DSCAML1: variants seen among roughly 807,000 people sequenced by gnomAD.
DSCAML1 encodes DS cell adhesion molecule like 1.
In DSCAML1, 38 loss-of-function variants were observed where a neutral mutation model predicts 200.5. The ratio of observed to expected loss-of-function variants is 0.19; its 90% confidence interval spans 0.15 to 0.25. The LOEUF (loss-of-function observed/expected upper bound fraction) is 0.25, where lower values mean the gene tolerates loss of function less well. DSCAML1 is among the 10% of genes least tolerant of loss of function. DSCAML1 has a pLI of 1.00. For synonymous variants in DSCAML1, 1,215 were observed against 1,165.0 expected (o/e 1.04, Z -0.87); for missense variants, 2,223 against 2,858.8 (o/e 0.78, Z 5.07).
chr11:117,769,295 T>TA (rs375010836), intron 3 of DSCAML1, among the ~76,000 whole-genome samples: 28,924 of 30,604 alleles, frequency 0.95, 13,815 homozygotes, highest in South Asian at 1. Context: ...ATTTTATATA[T>TA]TTATATATAT....
At chr11:117,738,291 C>G (rs2054357842) in intron 3 of DSCAML1, among the ~76,000 whole-genome samples, 1 of 152,114 alleles carries the variant, frequency 6.6e-6, no homozygotes, top group African/African-American at 2.4e-5. Context: ...AGAATCCACC[C>G]AGTTTTCCAC....
rs114770603 is a variant in DSCAML1 at position 117,624,117 on chromosome 11, T to C, written c.512-91595A>G. ...CCTTCACTAAATGATTAACTTTCTTTTTACCATTTGTTGGTTTCAAATTAA... is the reference window on the plus strand; with the variant it reads ...CCTTCACTAAATGATTAACTTTCTTCTTACCATTTGTTGGTTTCAAATTAA... On this transcript the variant is annotated intron_variant, in intron 3 of 32. Coordinates refer to ENST00000651296, the MANE Select transcript of DSCAML1 (RefSeq NM_020693.4). Among the ~76,000 whole-genome samples the C allele has an allele frequency of 4.4e-3, 666 of 152,320 alleles. 4 individuals are homozygous for C. Among genetic ancestry groups the C allele is most frequent in the African/African-American group, 0.015 (610 of 41,574 alleles).
chr11:117,699,997 G>A (rs1221133108), intron 3 of DSCAML1, among the ~76,000 whole-genome samples: 1 of 152,198 alleles, frequency 6.6e-6, no homozygotes. Flanking sequence ...AGGGTGGGCA[G>A]TGACCAGTAT....
chr11:117,708,700 C>A (rs1298935234), intron 3 of DSCAML1, among the ~76,000 whole-genome samples: 1 of 152,184 alleles, frequency 6.6e-6, no homozygotes, highest in Admixed American at 6.5e-5. Flanking sequence ...GGGTGTTCCC[C>A]AAGAGCTCTG....
chr11:117,753,334 T>C (rs1192385423), intron 3 of DSCAML1, among the ~76,000 whole-genome samples: 4 of 152,092 alleles, frequency 2.6e-5, no homozygotes, highest in African/African-American at 9.7e-5. Context: ...TGGGGCTGAG[T>C]GGTCCCGCAT....
intron 3 of DSCAML1, among the ~76,000 whole-genome samples, chr11:117,582,601 T>A (rs980106240): frequency 6.6e-6 from 1 of 152,172 alleles, no homozygotes. Flanking sequence ...TACTCATGCT[T>A]GGATGGACAG....
intron 3 of DSCAML1, among the ~76,000 whole-genome samples, chr11:117,660,081 A>G (rs1487090225): frequency 1.3e-5 from 2 of 151,910 alleles, no homozygotes; most frequent in African/African-American, 4.8e-5. Context: ...TTTTCATATC[A>G]TCCTTTCCAT....
intron 1 of DSCAML1, among the ~76,000 whole-genome samples, chr11:117,781,480 G>T (rs1455250694): frequency 6.6e-6 from 1 of 152,216 alleles, no homozygotes; most frequent in Non-Finnish European, 1.5e-5. Flanking sequence ...TCAAAACCAT[G>T]CTCTGAGATG....
chr11:117,434,156 CT>C (rs1479278781), intron 27 of DSCAML1, among the ~76,000 whole-genome samples: 1 of 152,190 alleles, frequency 6.6e-6, no homozygotes, highest in Non-Finnish European at 1.5e-5. Flanking sequence ...ATCCAATTGT[CT>C]GGCTATCCAT....
At chr11:117,596,941 C>T (rs893001397) in intron 3 of DSCAML1, among the ~76,000 whole-genome samples, 2 of 152,122 alleles carry the variant, frequency 1.3e-5, no homozygotes, top group African/African-American at 4.8e-5. Flanking sequence ...AAGGTTTGTC[C>T]GTTCCTGAAT....
At chr11:117,550,601 T>G (rs1032430020) in intron 3 of DSCAML1, among the ~76,000 whole-genome samples, 1 of 152,220 alleles carries the variant, frequency 6.6e-6, no homozygotes, top group Non-Finnish European at 1.5e-5. Context: ...TCTGCTATGC[T>G]TTTTGTGCAT....
At chr11:117,551,916 T>C (rs1393266886) in intron 3 of DSCAML1, among the ~76,000 whole-genome samples, 1 of 151,900 alleles carries the variant, frequency 6.6e-6, no homozygotes, top group Non-Finnish European at 1.5e-5. Context: ...TGAGGAGTAT[T>C]ACAGAATGAG....
chr11:117,564,755 C>CTCTT (rs372536312), intron 3 of DSCAML1, among the ~76,000 whole-genome samples: 438 of 148,660 alleles, frequency 2.9e-3, no homozygotes, highest in African/African-American at 0.01. Context: ...TTCTCTCTCT[C>CTCTT]TCTTTCTTTC....
At chr11:117,664,261 A>C (rs1336638533) in intron 3 of DSCAML1, among the ~76,000 whole-genome samples, 1 of 152,272 alleles carries the variant, frequency 6.6e-6, no homozygotes, top group East Asian at 1.9e-4. Flanking sequence ...CAATTAGCCA[A>C]ATCTACAACA....
intron 3 of DSCAML1, among the ~76,000 whole-genome samples, chr11:117,630,404 C>T (rs981439788): frequency 6.6e-6 from 1 of 152,096 alleles, no homozygotes; most frequent in African/African-American, 2.4e-5. Context: ...ATCTCCACTC[C>T]CAAACCTGGC....
intron 32 of DSCAML1, among the ~76,000 whole-genome samples, chr11:117,430,061 A>G (rs759833335): frequency 6.6e-6 from 1 of 152,152 alleles, no homozygotes; most frequent in Non-Finnish European, 1.5e-5. Flanking sequence ...ACCAGACTGC[A>G]TTGTTTGATA....
intron 32 of DSCAML1, among the ~76,000 whole-genome samples, chr11:117,429,087 A>G (rs116360534): frequency 2.4e-3 from 371 of 152,294 alleles, no homozygotes; most frequent in African/African-American, 8.5e-3. Context: ...GCTGGTGCAG[A>G]TAACAGCTGC....
chr11:117,592,236 C>G (rs2051271991), intron 3 of DSCAML1, among the ~76,000 whole-genome samples: 1 of 152,144 alleles, frequency 6.6e-6, no homozygotes, highest in South Asian at 2.1e-4. Context: ...GCCCATCATC[C>G]CTCCACTCCG....
intron 3 of DSCAML1, among the ~76,000 whole-genome samples, chr11:117,684,366 A>C (rs2053365241): frequency 6.7e-6 from 1 of 148,910 alleles, no homozygotes; most frequent in African/African-American, 2.5e-5. Flanking sequence ...TTCCTCCTAC[A>C]CAGAAAGGTA....
Sources: allele counts gnomAD v4.1 joint callset (sites outside exome capture counted in the v4.1 genomes callset), GRCh38; gene constraint gnomAD v4.1.1; transcripts MANE v1.5; gene names NCBI Gene and HGNC (gene_info 2026-07-23, HGNC 2026-07-21).